Variants in NADSYN1 observed in about 807,000 individuals in gnomAD.
NADSYN1 encodes NAD synthetase 1.
NADSYN1 carries 80 observed loss-of-function variants against 99.3 expected under a neutral mutation model. That is an observed-to-expected ratio of 0.81 (90% CI 0.67 to 0.97). The LOEUF (loss-of-function observed/expected upper bound fraction) is 0.97, where lower values mean the gene tolerates loss of function less well. Ranked by LOEUF, NADSYN1 falls within the 50% of genes least tolerant of loss-of-function variation. NADSYN1 has a pLI of 0.00. For synonymous variants in NADSYN1, 385 were observed against 372.1 expected, an observed-to-expected ratio of 1.03 and a Z score of -0.40; for missense variants, 859 against 948.5, an observed-to-expected ratio of 0.91 and a Z score of 1.24.
At chr11:71,501,272 G>T in intron 20 of NADSYN1, 30 bp from the exon 21 acceptor site, 1 of 1,532,284 alleles carries the variant, frequency 6.5e-7, no homozygotes, top group East Asian at 2.4e-5. Flanking sequence ...GTCTTTGCGG[G>T]GCTGTGGTGT....
At chr11:71,467,808 A>G (rs898958691) in intron 5 of NADSYN1, among the ~76,000 whole-genome samples, 2 of 152,254 alleles carry the variant, frequency 1.3e-5, no homozygotes, top group African/African-American at 4.8e-5. Flanking sequence ...CGGTATTTGA[A>G]AGAAAATGGA....
chr11:71,460,120 C>T (rs1949541596), intron 3 of NADSYN1: 1 of 152,358 alleles, frequency 6.6e-6, no homozygotes, highest in Non-Finnish European at 1.5e-5. Flanking sequence ...CTCTGACCCT[C>T]CCTTTTATGG....
intron 14 of NADSYN1, 58 bp downstream of exon 14, chr11:71,483,075 G>A (rs1316994040): frequency 6.3e-7 from 1 of 1,598,840 alleles, no homozygotes; most frequent in Non-Finnish European, 8.5e-7. Context: ...CAGAGTCACT[G>A]GAAGCTCCGC....
chr11:71,484,308 C>A lies in NADSYN1; in HGVS notation c.1320-4C>A, dbSNP rs1949727730. On this transcript the variant is annotated splice_region_variant and splice_polypyrimidine_tract_variant and intron_variant, in intron 14 of 20. Coordinates refer to ENST00000319023, the MANE Select transcript of NADSYN1 (RefSeq NM_018161.5). ...GCCTTCAACGCCTATCCTTCTCCTT[C>A]CAGCCACCACATCAGTCTCAACATC... The A allele has an allele frequency of 6.2e-7, 1 of 1,612,376 alleles. No homozygotes were observed. The highest frequency in any genetic ancestry group is 1.1e-5 in the South Asian group (1 of 91,038).
intron 9 of NADSYN1, 83 bp from the exon 10 acceptor site, chr11:71,478,309 GACA>G: frequency 8.8e-7 from 1 of 1,138,252 alleles, no homozygotes; most frequent in Non-Finnish European, 1.3e-6. Flanking sequence ...TAGAAGGTGT[GACA>G]ACACCTTTGA....
intron 5 of NADSYN1, among the ~76,000 whole-genome samples, chr11:71,466,925 G>A (rs998645654): frequency 2.6e-5 from 4 of 152,128 alleles, no homozygotes; most frequent in African/African-American, 7.2e-5. Context: ...GGTTTCCTAC[G>A]CCTGGAGACC....
intron 2 of NADSYN1, among the ~76,000 whole-genome samples, chr11:71,457,171 C>T (rs1949519787): frequency 6.6e-6 from 1 of 152,270 alleles, no homozygotes. Flanking sequence ...AGGACGCCAA[C>T]AGGGCATGAA....
chr11:71,494,350 T>C (rs185715578), intron 18 of NADSYN1, among the ~76,000 whole-genome samples: 196 of 152,338 alleles, frequency 1.3e-3, no homozygotes, highest in Admixed American at 2.4e-3. Context: ...CAACATGCTG[T>C]GCACGTGTGT....
Position 71,482,900 on chromosome 11 carries a change from C to A in NADSYN1, c.1202C>A (p.Thr401Asn), listed in dbSNP as rs1248256618. The A allele has an allele frequency of 2.5e-6, 4 of 1,613,004 alleles. No individual in the cohort carries two copies. The highest frequency in any genetic ancestry group is 2.5e-6 in the Non-Finnish European group (3 of 1,179,566). ...ACCATCGTGAACCAGATCAGCTACA[C>A]CCCCCAGGATCCCCGAGACCTCTGT... Reference protein sequence around the residue: ...VRTIVNQISYTPQDPRDLCGR... With the variant: ...VRTIVNQISYNPQDPRDLCGR... Residue 401 changes from threonine (T) to asparagine (N), a missense_variant, in exon 14 of 21, where the codon ACC (threonine) becomes AAC (asparagine). By Grantham distance (65) the Thr-to-Asn change is moderately conservative. Coordinates refer to ENST00000319023, the MANE Select transcript of NADSYN1 (RefSeq NM_018161.5).
At chr11:71,487,831 A>T (rs1190298017) in intron 16 of NADSYN1, among the ~76,000 whole-genome samples, 4 of 33,862 alleles carry the variant, frequency 1.2e-4, no homozygotes, top group African/African-American at 2.5e-4. Flanking sequence ...ACTCCGTCTC[A>T]AAAAAAAAAA....
Position 71,473,314 on chromosome 11 carries a change from T to G in NADSYN1, c.496T>G (p.Trp166Gly). The G allele has an allele frequency of 6.2e-7, 1 of 1,614,214 alleles. No homozygotes were observed. Among genetic ancestry groups the G allele is most frequent in the Non-Finnish European group, 8.5e-7 (1 of 1,180,034 alleles). ...CTTCGGAGATGCGGTGCTGGTGACA[T>G]GGGACACCTGCATTGGAAGTGAGAT... ...VPFGDAVLVT[W>G]DTCIGSEICE... is the part of the protein sequence containing the mutation. The change falls in exon 7 of 21, where the codon TGG becomes GGG. Residue 166 changes from tryptophan (W) to glycine (G), a missense_variant. Trp to Gly is a radical substitution (Grantham distance 184). Coordinates refer to ENST00000319023, the MANE Select transcript of NADSYN1 (RefSeq NM_018161.5).
At chr11:71,481,811 C>A in intron 12 of NADSYN1, 112 bp from the exon 13 acceptor site, 1 of 853,128 alleles carries the variant, frequency 1.2e-6, no homozygotes, top group Non-Finnish European at 1.9e-6. Flanking sequence ...TGCTAACACC[C>A]ACGTGCATTT....
rs764231497 is a variant in NADSYN1 at position 71,490,973 on chromosome 11, A to C, written c.1691A>C (p.Gln564Pro). 5 of 1,614,084 alleles carry C rather than the reference A, an allele frequency of 3.1e-6. No individual in the cohort carries two copies. The highest frequency in any genetic ancestry group is 3.4e-6 in the Non-Finnish European group (4 of 1,179,976). The change falls in exon 17 of 21, where the codon CAG (glutamine) becomes CCG (proline). Residue 564 changes from glutamine (Q) to proline (P), a missense_variant. Transcript: ENST00000319023. Reference sequence around the variant, plus strand: ...CAGCGCTTCCAGCTTCCTGCCCTGCAGAGGTGAGTGTGCTCACGGGCTGTG... The same window carrying C: ...CAGCGCTTCCAGCTTCCTGCCCTGCCGAGGTGAGTGTGCTCACGGGCTGTG... ...CIQRFQLPAL[Q>P]SILLAPATAE...
intron 18 of NADSYN1, among the ~76,000 whole-genome samples, chr11:71,494,950 G>T (rs1471559595): frequency 6.6e-6 from 1 of 151,978 alleles, no homozygotes; most frequent in Non-Finnish European, 1.5e-5. Context: ...TTTAGCTAAA[G>T]GTTTGTCAAT....
chr11:71,496,161 C>T (rs1191627880), intron 18 of NADSYN1, among the ~76,000 whole-genome samples: 1 of 152,134 alleles, frequency 6.6e-6, no homozygotes, highest in African/African-American at 2.4e-5. Context: ...GCTACTGTCA[C>T]TAATGACCCA....
Position 71,453,327 on chromosome 11 carries a change from G to A in NADSYN1, c.31G>A (p.Ala11Thr), listed in dbSNP as rs946389325. 6.2e-7 allele frequency: 1 copy of A among 1,613,890 alleles called. No homozygotes were observed. Among genetic ancestry groups the A allele is most frequent in the Non-Finnish European group, 8.5e-7 (1 of 1,179,840 alleles). ...CCGGAAGGTGACCGTGGCCACCTGC[G>A]CACTCAACCAGTGGGCCCTGGACTT... MGRKVTVATC[A>T]LNQWALDFEG... Residue 11 changes from alanine (A) to threonine (T), a missense_variant, in exon 1 of 21, where the codon GCA becomes ACA. Physicochemically the swap from Ala to Thr is moderately conservative, Grantham distance 58 (BLOSUM62 0). Transcript: ENST00000319023.
intron 9 of NADSYN1, chr11:71,474,739 C>T (rs1949653482): frequency 1.8e-6 from 1 of 550,804 alleles, no homozygotes. Flanking sequence ...TGGCTCTCCC[C>T]TGTAAGCCGG....
At chr11:71,481,002 C>A in intron 11 of NADSYN1, 123 bp downstream of exon 11, 1 of 1,366,738 alleles carries the variant, frequency 7.3e-7, no homozygotes, top group Non-Finnish European at 1.0e-6. Flanking sequence ...TTGCAGAAGG[C>A]AACTGTGCAT....
intron 5 of NADSYN1, among the ~76,000 whole-genome samples, chr11:71,467,285 C>G (rs1220190244): frequency 6.6e-6 from 1 of 152,162 alleles, no homozygotes; most frequent in Non-Finnish European, 1.5e-5. Context: ...CTGTAGCACC[C>G]GCAGGCGCTG....
Sources: allele counts gnomAD v4.1 joint callset (sites outside exome capture counted in the v4.1 genomes callset), GRCh38; gene constraint gnomAD v4.1.1; transcripts MANE v1.5; gene names NCBI Gene and HGNC (gene_info 2026-07-23, HGNC 2026-07-21).